Variants in LRRC27 observed in about 807,000 individuals in gnomAD.
LRRC27 encodes leucine-rich repeat-containing protein 27.
A neutral mutation model predicts 55.0 loss-of-function variants in LRRC27; 57 were observed. The observed-to-expected ratio is 1.04, with a 90% CI of 0.84 to 1.29. The LOEUF (loss-of-function observed/expected upper bound fraction) is 1.29, where lower values mean the gene tolerates loss of function less well. Among genes scored for constraint, LRRC27 ranks in the 50% most tolerant of loss-of-function variants. The pLI is 0.00. For missense variants in LRRC27, 721 were observed against 651.5 expected, an observed-to-expected ratio of 1.11 and a Z score of -1.16; for synonymous variants, 278 against 251.9, an observed-to-expected ratio of 1.10 and a Z score of -0.98.
rs961776858 is a variant in LRRC27, at chr10:132,333,460, C to T, written c.-48-17C>T. The T allele has an allele frequency of 3.5e-5, 46 of 1,312,880 alleles. No individual in the cohort carries two copies. Among genetic ancestry groups the T allele is most frequent in the East Asian group, 4.9e-5 (2 of 40,646 alleles). The allele number at this position is 1,312,880 out of a possible 1,614,324, so 81.3% of individuals were successfully genotyped here. A position where few individuals can be genotyped will look rare whatever the true frequency, so the allele number is the denominator to read the frequency against. ...TATAATTAGTTGCTTCTACGTTTCC[C>T]TTTCCCGTGTCTCCAGGTGACTCCA... On this transcript the variant is annotated splice_polypyrimidine_tract_variant and intron_variant, in intron 1 of 10. Coordinates refer to ENST00000368614, the MANE Select transcript of LRRC27 (RefSeq NM_030626.3).
intron 10 of LRRC27, among the ~76,000 whole-genome samples, chr10:132,373,686 G>C (rs2069271625): frequency 6.6e-6 from 1 of 152,222 alleles, no homozygotes; most frequent in South Asian, 2.1e-4. Flanking sequence ...CAAGGGAGTA[G>C]ATGCTGAGAG....
intron 7 of LRRC27, among the ~76,000 whole-genome samples, chr10:132,354,352 AC>A (rs1207992615): frequency 1.3e-5 from 2 of 151,976 alleles, no homozygotes; most frequent in African/African-American, 2.4e-5. Context: ...CCTTCACATC[AC>A]CCTGTGGACA....
intron 10 of LRRC27, among the ~76,000 whole-genome samples, chr10:132,373,060 C>A (rs1052006099): frequency 3.2e-4 from 49 of 152,278 alleles, no homozygotes; most frequent in Admixed American, 2.5e-3. Flanking sequence ...GAATTAAAAT[C>A]CCCCCGTAGG....
chr10:132,376,823 TACTG>T lies in LRRC27; in HGVS notation c.*1589_*1592del, dbSNP rs909728146. ...CTGTTGCTCAGAGCTCCTGTACCCT[TACTG>T]ACTGACTTAAGCCTGGTTTCTCAGT... On this transcript the variant is annotated 3_prime_UTR_variant, in exon 11 of 11. Coordinates refer to ENST00000368614, the MANE Select transcript of LRRC27 (RefSeq NM_030626.3). 12 of 152,304 alleles carry T rather than the reference TACTG, an allele frequency of 7.9e-5. No homozygotes were observed. Among genetic ancestry groups the T allele is most frequent in the African/African-American group, 2.9e-4 (12 of 41,470 alleles). The allele number at this position is 152,304 out of a possible 1,614,324, so 9.4% of individuals were successfully genotyped here.
intron 6 of LRRC27, 198 bp from the exon 7 acceptor site, chr10:132,351,409 T>C: frequency 1.5e-6 from 1 of 653,772 alleles, no homozygotes; most frequent in Non-Finnish European, 2.7e-6. Context: ...AGTGTCCTGC[T>C]GCCATCCACA....
At chr10:132,342,466 G>A (rs577054951) in intron 4 of LRRC27, among the ~76,000 whole-genome samples, 195 bp downstream of exon 4, 7 of 152,302 alleles carry the variant, frequency 4.6e-5, no homozygotes, top group South Asian at 4.1e-4. Context: ...GAGGTGTGAC[G>A]TGTGAGCCTT....
intron 7 of LRRC27, among the ~76,000 whole-genome samples, chr10:132,355,137 T>G: frequency 6.6e-6 from 1 of 152,080 alleles, no homozygotes; most frequent in East Asian, 1.9e-4. Flanking sequence ...GTGCAGTGGC[T>G]CAATCTTGGC....
At chr10:132,367,676 ACT>A (rs1338599431) in intron 10 of LRRC27, among the ~76,000 whole-genome samples, 3 of 152,198 alleles carry the variant, frequency 2.0e-5, no homozygotes, top group Admixed American at 2.0e-4. Context: ...CATGATAAAA[ACT>A]CTCAGCAAAC....
upstream of LRRC27, chr10:132,331,821 T>G: frequency 6.4e-7 from 1 of 1,551,292 alleles, no homozygotes; most frequent in South Asian, 1.1e-5. Flanking sequence ...CCACCACCCC[T>G]TCAAGGCCGC....
intron 3 of LRRC27, among the ~76,000 whole-genome samples, chr10:132,339,973 A>G (rs1008864535): frequency 1.3e-5 from 2 of 152,206 alleles, no homozygotes; most frequent in South Asian, 2.1e-4. Flanking sequence ...GCTGAGACAT[A>G]TTACTCGGAA....
chr10:132,365,365 G>C, intron 9 of LRRC27, 59 bp from the exon 10 acceptor site: 1 of 1,599,120 alleles, frequency 6.3e-7, no homozygotes, highest in Non-Finnish European at 8.5e-7. Context: ...TATGGCGGGA[G>C]TTGCTAGGAT....
chr10:132,347,444 C>T (rs2067763442), intron 5 of LRRC27, among the ~76,000 whole-genome samples: 1 of 149,306 alleles, frequency 6.7e-6, no homozygotes, highest in Non-Finnish European at 1.5e-5. Context: ...CAGGCGTGCT[C>T]AGTGGGGCTT....
chr10:132,342,061 G>A (rs758378646), intron 3 of LRRC27, 152 bp from the exon 4 acceptor site: 8 of 588,096 alleles, frequency 1.4e-5, no homozygotes, highest in Non-Finnish European at 2.1e-5. Flanking sequence ...TATGACAGCA[G>A]ACCATTTGTG....
intron 8 of LRRC27, among the ~76,000 whole-genome samples, chr10:132,356,363 A>G (rs1446358679): frequency 6.6e-6 from 1 of 152,214 alleles, no homozygotes; most frequent in African/African-American, 2.4e-5. Flanking sequence ...CAAGATTGCC[A>G]GCTCTTAAGC....
chr10:132,370,664 G>C (rs1310505548), intron 10 of LRRC27, among the ~76,000 whole-genome samples: 1 of 152,214 alleles, frequency 6.6e-6, no homozygotes, highest in South Asian at 2.1e-4. Context: ...AGCATGGCAG[G>C]CTCCGTGCCG....
intron 4 of LRRC27, 52 bp from the exon 5 acceptor site, chr10:132,344,446 A>G: frequency 1.2e-5 from 19 of 1,527,362 alleles, no homozygotes; most frequent in Non-Finnish European, 1.7e-5. Context: ...CCTCATTTTC[A>G]TTTCAAGAAT....
chr10:132,366,269 C>T (rs1308307804), intron 10 of LRRC27: 1 of 153,002 alleles, frequency 6.5e-6, no homozygotes, highest in Non-Finnish European at 1.5e-5. Flanking sequence ...GGCCACCGGA[C>T]CATGGCTGAC....
chr10:132,342,462 T>G (rs2067460885), intron 4 of LRRC27, among the ~76,000 whole-genome samples, 191 bp downstream of exon 4: 1 of 152,210 alleles, frequency 6.6e-6, no homozygotes, highest in Admixed American at 6.5e-5. Context: ...TATGGAGGTG[T>G]GACGTGTGAG....
chr10:132,375,017 TAAGTCCTGCCAGCCTTTCTA>T (rs1446833684), intron 10 of LRRC27, 29 bp from the exon 11 acceptor site: 1 of 1,565,022 alleles, frequency 6.4e-7, no homozygotes, highest in Admixed American at 1.7e-5. Flanking sequence ...GGTGACGCCC[TAAGTCCTGCCAGCCTTTCTA>T]ACATCTCCCC....
Sources: gnomAD v4.1 joint callset for allele counts (sites outside exome capture counted in the v4.1 genomes callset) on GRCh38, gnomAD v4.1.1 for gene constraint, MANE v1.5 for transcripts, NCBI Gene and HGNC (gene_info 2026-07-23, HGNC 2026-07-21) for gene names.